Variants in IFFO1 observed in about 807,000 individuals in gnomAD.
The protein encoded by IFFO1 is intermediate filament family orphan 1, also known as non-homologous end joining factor IFFO1.
IFFO1 carries 42 observed loss-of-function variants against 59.6 expected under a neutral mutation model. The ratio of observed to expected loss-of-function variants is 0.70; its 90% CI spans 0.55 to 0.91. IFFO1 has a LOEUF of 0.91. Ranked by LOEUF, IFFO1 falls within the 40% of genes least tolerant of loss-of-function variation. The pLI is 0.00. For synonymous variants in IFFO1, 336 were observed against 342.8 expected (o/e 0.98, Z 0.22); for missense variants, 711 against 793.2 (o/e 0.90, Z 1.24).
intron 8 of IFFO1, among the ~76,000 whole-genome samples, chr12:6,545,626 A>C (rs991100751): frequency 1.3e-5 from 2 of 149,324 alleles, no homozygotes; most frequent in Admixed American, 1.3e-4. Context: ...TGAACCCAGG[A>C]GGTGGAGCTT....
Position 6,549,482 on chromosome 12 carries a change from C to T in IFFO1, c.1074G>A (p.Lys358=), listed in dbSNP as rs777189182. The T allele has an allele frequency of 6.8e-6, 11 of 1,613,164 alleles. No individual in the cohort carries two copies. The highest frequency in any genetic ancestry group is 3.3e-5 in the South Asian group (3 of 91,070). The change falls in exon 5 of 10, where the codon AAG becomes AAA. Residue 358 remains lysine, a splice_region_variant and synonymous_variant. Coordinates refer to ENST00000619571, the MANE Select transcript of IFFO1 (RefSeq NM_001193457.2). The surrounding 1 kb of genome is among the most constrained non-coding windows in gnomAD (Gnocchi z 5.0). ...NCEDMIQMFQ[K]KLSLHLSPIK... is the part of the protein sequence containing the mutation. The stretch of plus-strand genomic sequence containing the variant: ...TGCGTGAGATCAAACTAACCAGCTT[C>T]TTCTGTGGAGGAAGCAAGAGAGAAG...
rs543783384 is a variant in IFFO1, at chr12:6,541,724, G to T, written c.1480-82C>A. 1.3e-6 allele frequency: 2 copies of T among 1,567,426 alleles called. No individual in the cohort carries two copies. Among genetic ancestry groups the T allele is most frequent in the Non-Finnish European group, 8.7e-7 (1 of 1,148,298 alleles). ...GTTGCCCCCGCCAGGAGGCCAACAC[G>T]CCAAGAGCAGTGGCTGGGCCGGGGG... On this transcript the variant is annotated intron_variant, in intron 8 of 9. Coordinates refer to ENST00000619571, the MANE Select transcript of IFFO1 (RefSeq NM_001193457.2). The surrounding 1 kb of genome is among the most constrained non-coding windows in gnomAD (Gnocchi z 4.8).
intron 1 of IFFO1, among the ~76,000 whole-genome samples, chr12:6,554,272 T>C (rs1407061836): frequency 2.0e-5 from 3 of 152,080 alleles, no homozygotes; most frequent in Non-Finnish European, 4.4e-5. Flanking sequence ...GGGGTCATAA[T>C]AGCTGAGATG....
Position 6,555,668 on chromosome 12 carries a change from C to A in IFFO1, c.362G>T (p.Arg121Leu), listed in dbSNP as rs1041931025. 6.2e-6 allele frequency: 10 copies of A among 1,603,728 alleles called. No homozygotes were observed. Among genetic ancestry groups the A allele is most frequent in the Non-Finnish European group, 8.5e-6 (10 of 1,176,364 alleles). ...EGKQGRRGLG[R>L]RDQAVQTGFV... ...GCCGGTCTGCACTGCCTGGTCGCGACGACCCAGGCCCCGCCGGCCCTGCTT... is the reference window on the plus strand; with the variant it reads ...GCCGGTCTGCACTGCCTGGTCGCGAAGACCCAGGCCCCGCCGGCCCTGCTT... The change falls in exon 1 of 10, where the codon CGT (arginine) becomes CTT (leucine). Residue 121 changes from arginine to leucine, a missense_variant. Coordinates refer to ENST00000619571, the MANE Select transcript of IFFO1 (RefSeq NM_001193457.2). The surrounding 1 kb of genome is among the most constrained non-coding windows in gnomAD (Gnocchi z 8.6).
chr12:6,551,554 A>G (rs1253307878), intron 1 of IFFO1: 1 of 1,079,650 alleles, frequency 9.3e-7, no homozygotes, highest in Non-Finnish European at 1.3e-6. Flanking sequence ...CTGGTAGGAG[A>G]CACTCAAAGT....
rs754571433 is a variant in IFFO1, at chr12:6,555,312, C to G, written c.718G>C (p.Ala240Pro). Residue 240 changes from alanine (A) to proline (P), a missense_variant, in exon 1 of 10, where the codon GCT (alanine) becomes CCT (proline). This residue lies in a region of IFFO1 where 579 missense variants were observed against 650.3 expected (regional missense o/e 0.89). Coordinates refer to ENST00000619571, the MANE Select transcript of IFFO1 (RefSeq NM_001193457.2). The surrounding 1 kb of genome is among the most constrained non-coding windows in gnomAD (Gnocchi z 8.6). ...ACTTTGGCCAGCACGTTGTAGAGAG[C>G]GCGGATCTCGGGCGTGATGGTGTCG... ...QIDTITPEIR[A>P]LYNVLAKVKR... is the part of the protein sequence containing the mutation. The G allele has an allele frequency of 1.2e-6, 2 of 1,614,198 alleles. No homozygotes were observed. The highest frequency in any genetic ancestry group is 2.2e-5 in the South Asian group (2 of 91,092).
Position 6,555,538 on chromosome 12 carries a change from G to T in IFFO1, c.492C>A (p.Ala164=). The T allele has an allele frequency of 6.5e-7, 1 of 1,543,526 alleles. No homozygotes were observed. Among genetic ancestry groups the T allele is most frequent in the South Asian group, 1.2e-5 (1 of 83,914 alleles). ...RVLGSPARSP[A]GPLAPSAASL... ...TGGCCGCGGAGGGCGCGAGGGGGCCGGCCGGGGAGCGCGCGGGCGAGCCCA... is the reference window on the plus strand; with the variant it reads ...TGGCCGCGGAGGGCGCGAGGGGGCCTGCCGGGGAGCGCGCGGGCGAGCCCA... Residue 164 remains alanine, a synonymous_variant, in exon 1 of 10, where the codon GCC becomes GCA. Transcript: ENST00000619571. This position sits in a 1 kb window ranked among gnomAD's most constrained non-coding sequence, Gnocchi z 8.6.
chr12:6,555,174 G>T lies in IFFO1; in HGVS notation c.773+83C>A. 1 of 1,379,170 alleles carries T rather than the reference G, an allele frequency of 7.3e-7. No individual in the cohort carries two copies. The highest frequency in any genetic ancestry group is 1.0e-6 in the Non-Finnish European group (1 of 968,182). The allele number at this position is 1,379,170 out of a possible 1,614,324, so 85.4% of individuals were successfully genotyped here. A position where few individuals can be genotyped will look rare whatever the true frequency, so the allele number is the denominator to read the frequency against. The stretch of plus-strand genomic sequence containing the variant: ...CTTTACTCTCATTCTTTTCACCCCT[G>T]ATTCTTCGGAACCCACACCAACTCG... On this transcript the variant is annotated intron_variant, in intron 1 of 9. Coordinates refer to ENST00000619571, the MANE Select transcript of IFFO1 (RefSeq NM_001193457.2). This position sits in a 1 kb window ranked among gnomAD's most constrained non-coding sequence, Gnocchi z 8.6.
intron 9 of IFFO1, 146 bp from the exon 10 acceptor site, chr12:6,540,734 A>C: frequency 4.2e-6 from 3 of 713,232 alleles, no homozygotes; most frequent in Non-Finnish European, 7.2e-6. Flanking sequence ...AGGGAGCGGC[A>C]GGGACTGAAC....
At chr12:6,540,644 C>G (rs142959962) in intron 9 of IFFO1, 56 bp from the exon 10 acceptor site, 2 of 1,413,470 alleles carry the variant, frequency 1.4e-6, no homozygotes, top group East Asian at 2.3e-5. Context: ...TGAAGACGGA[C>G]GGCACTCCTC....
chr12:6,550,218 A>C (rs1206027724), intron 3 of IFFO1: 2 of 350,196 alleles, frequency 5.7e-6, no homozygotes, highest in Non-Finnish European at 1.1e-5. Flanking sequence ...ACATTCCCAG[A>C]GAGAAAGAGA....
chr12:6,555,733 C>T lies in IFFO1; in HGVS notation c.297G>A (p.Arg99=), dbSNP rs1461713311. 1.2e-6 allele frequency: 2 copies of T among 1,612,778 alleles called. No homozygotes were observed. The highest frequency in any genetic ancestry group is 1.1e-5 in the South Asian group (1 of 90,992). ...CTTGCTGCAGTTGCTTCTCCAACAG[C>T]CGGTTCCGGCGCTCCAGCTCATGCA... is the stretch of plus-strand genomic sequence containing the variant. ...AKVHELERRN[R]LLEKQLQQAL... is the part of the protein sequence containing the mutation. The change falls in exon 1 of 10, where the codon CGG becomes CGA. Residue 99 remains arginine, a synonymous_variant. Coordinates refer to ENST00000619571, the MANE Select transcript of IFFO1 (RefSeq NM_001193457.2). This position sits in a 1 kb window ranked among gnomAD's most constrained non-coding sequence, Gnocchi z 8.6.
intron 1 of IFFO1, among the ~76,000 whole-genome samples, chr12:6,553,006 TG>T (rs1947298772): frequency 1.3e-5 from 2 of 151,976 alleles, no homozygotes; most frequent in Non-Finnish European, 2.9e-5. Flanking sequence ...GTTGGGAAAA[TG>T]GGGGCTCAAA....
rs1056528898 is a variant in IFFO1 at position 6,549,374 on chromosome 12, C to T, written c.1080+102G>A. On this transcript the variant is annotated intron_variant, in intron 5 of 9. Coordinates refer to ENST00000619571, the MANE Select transcript of IFFO1 (RefSeq NM_001193457.2). The surrounding 1 kb of genome is among the most constrained non-coding windows in gnomAD (Gnocchi z 5.0). ...AAAAGGGAAAGGGCAGAAAAAAATCCGTGCTCAAGAGCCCAGCGGGCCCAA... is the reference window on the plus strand; with the variant it reads ...AAAAGGGAAAGGGCAGAAAAAAATCTGTGCTCAAGAGCCCAGCGGGCCCAA... 3.5e-5 allele frequency: 40 copies of T among 1,154,594 alleles called. No homozygotes were observed. The highest frequency in any genetic ancestry group is 1.6e-4 in the African/African-American group (10 of 64,312). 71.5% of individuals were successfully genotyped at this position (1,154,594 alleles called of 1,614,324 possible).
In IFFO1 at chr12:6,541,021, CAAAAAA is replaced by C. The variant is rs34135055; in HGVS notation, c.1611-439_1611-434del. Among the ~76,000 whole-genome samples, 3 of 133,114 alleles carry C rather than the reference CAAAAAA, an allele frequency of 2.3e-5. No individual in the cohort carries two copies. Among genetic ancestry groups the C allele is most frequent in the Admixed American group, 7.5e-5 (1 of 13,418 alleles). The allele number at this position is 133,114 out of a possible 152,430, so 87.3% of individuals were successfully genotyped here. On this transcript the variant is annotated intron_variant, in intron 9 of 9. Transcript: ENST00000619571. The surrounding 1 kb of genome is among the most constrained non-coding windows in gnomAD (Gnocchi z 4.8). ...CTGGGAGGCGGAGGTTGTAGTGAGC[CAAAAAA>C]AAAAAAAAAAGAAATAGCTGAAGTC...
In IFFO1 at chr12:6,540,155, T is replaced by C; in HGVS notation, c.*328A>G. ...ATGGAGGAAAGGTCCCACATTCACATTCCTGATACGTGGACAAGGTGAGGG... is the reference window on the plus strand; with the variant it reads ...ATGGAGGAAAGGTCCCACATTCACACTCCTGATACGTGGACAAGGTGAGGG... On this transcript the variant is annotated 3_prime_UTR_variant, in exon 10 of 10. Coordinates refer to ENST00000619571, the MANE Select transcript of IFFO1 (RefSeq NM_001193457.2). 2.3e-6 allele frequency: 1 copy of C among 429,170 alleles called. No individual in the cohort carries two copies. The highest frequency in any genetic ancestry group is 4.3e-6 in the Non-Finnish European group (1 of 234,364). The allele number at this position is 429,170 out of a possible 1,614,324, so 26.6% of individuals were successfully genotyped here. A position where few individuals can be genotyped will look rare whatever the true frequency, so the allele number is the denominator to read the frequency against.
In IFFO1 at chr12:6,548,821, G is replaced by A. The variant is rs761793338; in HGVS notation, c.1109C>T (p.Pro370Leu). The A allele has an allele frequency of 6.2e-7, 1 of 1,612,750 alleles. No homozygotes were observed. Among genetic ancestry groups the A allele is most frequent in the Admixed American group, 1.7e-5 (1 of 59,842 alleles). The part of the protein sequence containing the change: ...LSLHLSPIKV[P>L]SMGGRKRERK... ...CTCCCGCTTCCGCCCCCCCATGGATGGGACCTTAATGGGAGACAAGTGCAG... is the reference window on the plus strand; with the variant it reads ...CTCCCGCTTCCGCCCCCCCATGGATAGGACCTTAATGGGAGACAAGTGCAG... The change falls in exon 6 of 10, where the codon CCA becomes CTA. Residue 370 changes from proline to leucine, a missense_variant. By Grantham distance (98) the Pro-to-Leu change is moderately conservative. Coordinates refer to ENST00000619571, the MANE Select transcript of IFFO1 (RefSeq NM_001193457.2). This position sits in a 1 kb window ranked among gnomAD's most constrained non-coding sequence, Gnocchi z 6.1.
chr12:6,555,136 T>G lies in IFFO1; in HGVS notation c.773+121A>C. On this transcript the variant is annotated intron_variant, in intron 1 of 9. Transcript: ENST00000619571. This position sits in a 1 kb window ranked among gnomAD's most constrained non-coding sequence, Gnocchi z 8.6. Reference sequence around the variant, plus strand: ...ATCCAATTGCTTCCAAGCTCCTCATTACACAGCACAAACTTTACTCTCATT... The same window carrying G: ...ATCCAATTGCTTCCAAGCTCCTCATGACACAGCACAAACTTTACTCTCATT... 2.0e-6 allele frequency: 2 copies of G among 1,020,764 alleles called. No individual in the cohort carries two copies. The highest frequency in any genetic ancestry group is 2.6e-5 in the South Asian group (2 of 77,250). 63.2% of individuals were successfully genotyped at this position (1,020,764 alleles called of 1,614,324 possible).
In IFFO1 at chr12:6,548,121, C is replaced by T. The variant is rs1947051386; in HGVS notation, c.1423G>A (p.Glu475Lys). The part of the protein sequence containing the change: ...DSLEKVIKDT[E>K]SLFKTREKEY... ...TTCTCCCGGGTTTTGAACAGGGACT[C>T]CGTATCTTTAATCACCTTCTCCAGG... The change falls in exon 8 of 10, where the codon GAG becomes AAG. Residue 475 changes from glutamate (E) to lysine (K), a missense_variant. By Grantham distance (56) the Glu-to-Lys change is moderately conservative. This residue lies in a region of IFFO1 where 579 missense variants were observed against 650.3 expected (regional missense o/e 0.89). Coordinates refer to ENST00000619571, the MANE Select transcript of IFFO1 (RefSeq NM_001193457.2). This position sits in a 1 kb window ranked among gnomAD's most constrained non-coding sequence, Gnocchi z 6.1. 1 of 1,614,108 alleles carries T rather than the reference C, an allele frequency of 6.2e-7. No homozygotes were observed. Among genetic ancestry groups the T allele is most frequent in the African/African-American group, 1.3e-5 (1 of 75,016 alleles).
Sources: gnomAD v4.1 joint callset for allele counts (sites outside exome capture counted in the v4.1 genomes callset) on GRCh38, gnomAD v4.1.1 for gene constraint, gnomAD v4.1.1 regional missense constraint, Gnocchi (gnomAD v3.1) non-coding constraint, MANE v1.5 for transcripts, NCBI Gene and HGNC (gene_info 2026-07-23, HGNC 2026-07-21) for gene names.